The following FARS2 variants were observed in gnomAD, a reference collection of about 807,000 sequenced individuals.
FARS2 encodes phenylalanyl-tRNA synthetase 2, mitochondrial, also known as phenylalanine--tRNA ligase, mitochondrial.
FARS2 carries 40 observed loss-of-function variants against 46.4 expected under a neutral mutation model. The observed-to-expected ratio is 0.86, with a 90% CI of 0.67 to 1.12. The LOEUF is 1.12. Ranked by LOEUF, FARS2 falls within the 50% of genes most tolerant of loss-of-function variation. FARS2 has a pLI of 0.00. For synonymous variants in FARS2, 234 were observed against 214.9 expected, an observed-to-expected ratio of 1.09 and a Z score of -0.78; for missense variants, 513 against 567.9, an observed-to-expected ratio of 0.90 and a Z score of 0.98.
intron 1 of FARS2, among the ~76,000 whole-genome samples, chr6:5,367,876 A>G (rs1561988802): frequency 6.6e-6 from 1 of 152,194 alleles, no homozygotes; most frequent in African/African-American, 2.4e-5. Context: ...TTTGTACAAT[A>G]TTTCCTGAGA....
chr6:5,400,092 G>A (rs1242063219), intron 2 of FARS2, among the ~76,000 whole-genome samples: 1 of 152,154 alleles, frequency 6.6e-6, no homozygotes, highest in Non-Finnish European at 1.5e-5. Context: ...AGCAAAGTAT[G>A]ACTGTACTTA....
At chr6:5,723,421 G>A (rs1265825876) in intron 6 of FARS2, among the ~76,000 whole-genome samples, 1 of 152,140 alleles carries the variant, frequency 6.6e-6, no homozygotes, top group Non-Finnish European at 1.5e-5. Flanking sequence ...CCTTGGACAC[G>A]CTGCAGACCC....
At chr6:5,614,411 C>CTTTTTTTTTTT (rs199992978) in intron 6 of FARS2, among the ~76,000 whole-genome samples, 30 of 139,460 alleles carry the variant, frequency 2.2e-4, no homozygotes, top group African/African-American at 7.8e-4. Flanking sequence ...CCTTCTTTGT[C>CTTTTTTTTTTT]TTTTTTTTTT....
At chr6:5,726,596 A>G (rs900834003) in intron 6 of FARS2, among the ~76,000 whole-genome samples, 1 of 152,206 alleles carries the variant, frequency 6.6e-6, no homozygotes, top group South Asian at 2.1e-4. Context: ...TGTCTTAACG[A>G]TATTTTTAAA....
chr6:5,681,172 T>C (rs1286510268), intron 6 of FARS2, among the ~76,000 whole-genome samples: 1 of 152,228 alleles, frequency 6.6e-6, no homozygotes, highest in Admixed American at 6.5e-5. Flanking sequence ...GTCTGCATTC[T>C]TCTTTATTAG....
intron 5 of FARS2, among the ~76,000 whole-genome samples, chr6:5,549,405 C>T (rs1220898247): frequency 6.6e-6 from 1 of 152,154 alleles, no homozygotes; most frequent in African/African-American, 2.4e-5. Context: ...TGGTTCAGTT[C>T]CCACCTATGA....
intron 6 of FARS2, among the ~76,000 whole-genome samples, chr6:5,636,423 G>A (rs943155227): frequency 3.3e-5 from 5 of 152,182 alleles, no homozygotes; most frequent in East Asian, 1.9e-4. Context: ...CAGCCATTTT[G>A]TGCAGTGAGG....
rs570868735 is a variant in FARS2, at chr6:5,709,977, G to T, written c.1218-61314G>T. On this transcript the variant is annotated intron_variant, in intron 6 of 6. Transcript: ENST00000274680. ...TTCTCCTGGGCTCTTGAGGCTACTT[G>T]TGCTGCCACGCATATCATTTCTATG... Among the ~76,000 whole-genome samples the T allele has an allele frequency of 5.3e-5, 8 of 152,272 alleles. No homozygotes were observed. The South Asian group carries it at 1.7e-3, about 32-fold the overall frequency.
upstream of FARS2, chr6:5,260,611 G>GGGCCCCCCC: frequency 7.3e-7 from 1 of 1,377,684 alleles, no homozygotes; most frequent in Non-Finnish European, 9.8e-7. Flanking sequence ...CCGGCCCCTG[G>GGGCCCCCCC]CCCCCCGCCC....
chr6:5,415,103 C>G (rs1340714476), intron 3 of FARS2, among the ~76,000 whole-genome samples: 1 of 151,798 alleles, frequency 6.6e-6, no homozygotes, highest in African/African-American at 2.4e-5. Flanking sequence ...AGGCGTGAGC[C>G]ACCGCACCCG....
chr6:5,550,065 A>C (rs1326354473), intron 5 of FARS2, among the ~76,000 whole-genome samples: 1 of 152,186 alleles, frequency 6.6e-6, no homozygotes, highest in East Asian at 1.9e-4. Flanking sequence ...CTACTCCCAA[A>C]ATACAATGAG....
chr6:5,622,635 G>T (rs1775832598), intron 6 of FARS2, among the ~76,000 whole-genome samples: 1 of 152,112 alleles, frequency 6.6e-6, no homozygotes, highest in Non-Finnish European at 1.5e-5. Flanking sequence ...CGTCCCTTTT[G>T]TCCTTTGTCC....
At chr6:5,383,586 C>G (rs1759928554) in intron 2 of FARS2, among the ~76,000 whole-genome samples, 1 of 152,162 alleles carries the variant, frequency 6.6e-6, no homozygotes, top group Admixed American at 6.5e-5. Flanking sequence ...GGTGAATGAG[C>G]CTGCCACGCT....
At chr6:5,736,140 G>A (rs937974983) in intron 6 of FARS2, among the ~76,000 whole-genome samples, 1 of 152,168 alleles carries the variant, frequency 6.6e-6, no homozygotes, top group Non-Finnish European at 1.5e-5. Context: ...AGTCGGCTGT[G>A]CCAGGAAAGG....
intron 4 of FARS2, chr6:5,467,137 T>C: frequency 1.1e-6 from 1 of 913,412 alleles, no homozygotes; most frequent in Non-Finnish European, 1.3e-6. Context: ...TTAGTTTGTT[T>C]AAATTAGATT....
At chr6:5,436,064 T>C (rs1465613410) in intron 4 of FARS2, among the ~76,000 whole-genome samples, 2 of 151,972 alleles carry the variant, frequency 1.3e-5, no homozygotes, top group Non-Finnish European at 2.9e-5. Flanking sequence ...TACACAGACA[T>C]ACAAACAAAT....
At chr6:5,308,922 A>G (rs1055514291) in intron 1 of FARS2, among the ~76,000 whole-genome samples, 1 of 152,186 alleles carries the variant, frequency 6.6e-6, no homozygotes, top group Non-Finnish European at 1.5e-5. Flanking sequence ...TCCCTGTATC[A>G]TTATAGAAGA....
rs1582806956 is a variant in FARS2 at position 5,708,000 on chromosome 6, T to C, written c.1218-63291T>C. On this transcript the variant is annotated intron_variant, in intron 6 of 6. Transcript: ENST00000274680. ...GGACTGCCTCACAGGGAAGGTGCCATTGGAATTGAACCTTGGAGAATAAGC... is the reference window on the plus strand; with the variant it reads ...GGACTGCCTCACAGGGAAGGTGCCACTGGAATTGAACCTTGGAGAATAAGC... Among the ~76,000 whole-genome samples the C allele has an allele frequency of 2.0e-5, 3 of 152,218 alleles. No homozygotes were observed. In the South Asian group the frequency reaches 6.2e-4, roughly 32 times the overall value.
At chr6:5,270,301 T>TA (rs1402559125) in intron 1 of FARS2, among the ~76,000 whole-genome samples, 1 of 152,224 alleles carries the variant, frequency 6.6e-6, no homozygotes, top group African/African-American at 2.4e-5. Context: ...TTCATAACAT[T>TA]AAGCCCTGTT....
Sources: gnomAD v4.1 joint callset for allele counts (sites outside exome capture counted in the v4.1 genomes callset) on GRCh38, gnomAD v4.1.1 for gene constraint, MANE v1.5 for transcripts, NCBI Gene and HGNC (gene_info 2026-07-23, HGNC 2026-07-21) for gene names.